The following TTC23 variants were observed in gnomAD, a reference collection of about 807,000 sequenced individuals.
TTC23 encodes the protein tetratricopeptide repeat domain 23.
Under a neutral mutation model 55.1 loss-of-function variants are expected in TTC23, and 58 were observed. The observed-to-expected ratio is 1.05, with a 90% CI of 0.85 to 1.31. TTC23 has a LOEUF of 1.31. TTC23 is among the 50% of genes most tolerant of loss of function. The pLI is 0.00. For synonymous variants in TTC23, 203 were observed against 199.9 expected (o/e 1.02, Z -0.13); for missense variants, 516 against 534.4 (o/e 0.97, Z 0.34).
intron 10 of TTC23, among the ~76,000 whole-genome samples, chr15:99,166,035 T>C (rs1422113412): frequency 6.6e-6 from 1 of 152,196 alleles, no homozygotes; most frequent in African/African-American, 2.4e-5. Context: ...GGGCCCTTAT[T>C]GTGCTTGCGG....
At chr15:99,148,390 CCTT>C (rs2069246801) in intron 12 of TTC23, 1 of 36,256 alleles carries the variant, frequency 2.8e-5, no homozygotes, top group Admixed American at 2.5e-4. Context: ...AAAAAAAAGA[CCTT>C]CTTAGCGTTG....
intron 10 of TTC23, among the ~76,000 whole-genome samples, chr15:99,163,887 C>G (rs2151902839): frequency 6.6e-6 from 1 of 152,330 alleles, no homozygotes; most frequent in Non-Finnish European, 1.5e-5. Context: ...GTGAGAAATA[C>G]ACTTCTGTGG....
chr15:99,174,048 A>C (rs928740815), intron 10 of TTC23, among the ~76,000 whole-genome samples: 2 of 152,222 alleles, frequency 1.3e-5, no homozygotes, highest in African/African-American at 4.8e-5. Context: ...CAGGGACAAG[A>C]AAGGTCACCT....
rs144494008 is a variant in TTC23 at position 99,152,928 on chromosome 15, G to A, written c.1143+3220C>T. Among the ~76,000 whole-genome samples, 103 of 152,186 alleles carry A rather than the reference G, an allele frequency of 6.8e-4. No homozygotes were observed. The Middle Eastern group carries it at 0.01, about 15-fold the overall frequency. On this transcript the variant is annotated intron_variant, in intron 12 of 13. Transcript: ENST00000394132. ...TCCTCCCACCTCAGCCTCCTGAGTA[G>A]CTGGGATTACAGGCGTGTGCCACCA... is the stretch of plus-strand genomic sequence containing the variant.
chr15:99,197,143 C>T (rs932840502), intron 9 of TTC23, among the ~76,000 whole-genome samples: 51 of 151,902 alleles, frequency 3.4e-4, no homozygotes, highest in African/African-American at 1.2e-3. Context: ...CGCTCCAACG[C>T]CCAGGCTGGA....
intron 8 of TTC23, among the ~76,000 whole-genome samples, chr15:99,215,380 T>C (rs953722760): frequency 6.6e-6 from 1 of 152,122 alleles, no homozygotes; most frequent in Non-Finnish European, 1.5e-5. Flanking sequence ...GGTTAAATGA[T>C]TAATTTACAA....
At chr15:99,192,119 T>C (rs1395484402) in intron 9 of TTC23, among the ~76,000 whole-genome samples, 1 of 152,214 alleles carries the variant, frequency 6.6e-6, no homozygotes, top group Non-Finnish European at 1.5e-5. Flanking sequence ...ATTCAAGATG[T>C]GACTTGGGTG....
chr15:99,145,646 T>C (rs1194671636), intron 12 of TTC23, among the ~76,000 whole-genome samples: 4 of 152,118 alleles, frequency 2.6e-5, no homozygotes, highest in Non-Finnish European at 4.4e-5. Flanking sequence ...ACCACACCCC[T>C]GCATCCTCTT....
chr15:99,168,090 G>A (rs1197738081), intron 10 of TTC23, among the ~76,000 whole-genome samples: 3 of 152,142 alleles, frequency 2.0e-5, no homozygotes, highest in Non-Finnish European at 4.4e-5. Context: ...AGCCTTCAGT[G>A]GTCCTCACAG....
At chr15:99,138,305 C>G (rs1411664991) in intron 13 of TTC23, among the ~76,000 whole-genome samples, 178 bp from the exon 14 acceptor site, 1 of 151,906 alleles carries the variant, frequency 6.6e-6, no homozygotes, top group African/African-American at 2.4e-5. Context: ...TTCCTCCCAT[C>G]TTTTATTTTT....
rs544031269 is a variant in TTC23 at position 99,163,981 on chromosome 15, AC to A, written c.866-2115del. Among the ~76,000 whole-genome samples the A allele has an allele frequency of 2.3e-3, 355 of 152,334 alleles. 2 individuals are homozygous for A. The highest frequency in any genetic ancestry group is 8.3e-3 in the African/African-American group (344 of 41,582). On this transcript the variant is annotated intron_variant, in intron 10 of 13. Transcript: ENST00000394132. ...AGGAATCTCTAAAATGAAGATAAGA[AC>A]AATTGCACTGGTTCCAGGTGTGGAA...
At chr15:99,226,073 A>G (rs2078385931) in intron 5 of TTC23, among the ~76,000 whole-genome samples, 1 of 152,246 alleles carries the variant, frequency 6.6e-6, no homozygotes, top group Non-Finnish European at 1.5e-5. Flanking sequence ...TTTCCAAGAT[A>G]TCAAGATCAT....
chr15:99,153,027 G>A (rs1157403762), intron 12 of TTC23, among the ~76,000 whole-genome samples: 1 of 152,126 alleles, frequency 6.6e-6, no homozygotes, highest in Non-Finnish European at 1.5e-5. Flanking sequence ...TCGAACTCCT[G>A]GTCTCAAGTG....
At chr15:99,219,908 C>T (rs1403589338) in intron 6 of TTC23, among the ~76,000 whole-genome samples, 1 of 152,160 alleles carries the variant, frequency 6.6e-6, no homozygotes, top group Non-Finnish European at 1.5e-5. Context: ...GTCTATAAAA[C>T]AGGAAGAATA....
chr15:99,250,763 G>A (rs1320680909), upstream of TTC23, among the ~76,000 whole-genome samples: 1 of 152,148 alleles, frequency 6.6e-6, no homozygotes, highest in Non-Finnish European at 1.5e-5. Context: ...GACCTTTTTA[G>A]CAATCTTTAC....
At chr15:99,147,859 C>G (rs1242888587) in intron 12 of TTC23, among the ~76,000 whole-genome samples, 1 of 151,902 alleles carries the variant, frequency 6.6e-6, no homozygotes, top group Non-Finnish European at 1.5e-5. Context: ...GCTTGGAATT[C>G]CTGGTATATG....
chr15:99,179,014 C>T (rs929087823), intron 9 of TTC23, among the ~76,000 whole-genome samples: 1 of 152,138 alleles, frequency 6.6e-6, no homozygotes, highest in African/African-American at 2.4e-5. Context: ...CTGGTCCAGG[C>T]TGTGTATCTC....
intron 8 of TTC23, among the ~76,000 whole-genome samples, chr15:99,208,343 T>C (rs979218728): frequency 1.3e-5 from 2 of 152,114 alleles, no homozygotes; most frequent in Non-Finnish European, 2.9e-5. Context: ...AATTTCAGCA[T>C]AATAATTGCC....
chr15:99,196,057 C>T (rs1178969062), intron 9 of TTC23, among the ~76,000 whole-genome samples: 2 of 150,984 alleles, frequency 1.3e-5, no homozygotes, highest in African/African-American at 4.9e-5. Context: ...GAGGCTGAGG[C>T]ACGAGAATCC....
Sources: allele counts gnomAD v4.1 joint callset (sites outside exome capture counted in the v4.1 genomes callset), GRCh38; gene constraint gnomAD v4.1.1; transcripts MANE v1.5; gene names NCBI Gene and HGNC (gene_info 2026-07-23, HGNC 2026-07-21).